KCNB2: variants seen among roughly 807,000 people sequenced by gnomAD.
The protein encoded by KCNB2 is potassium voltage-gated channel subfamily B member 2.
Under a neutral mutation model 61.5 loss-of-function variants are expected in KCNB2, and 15 were observed. The observed-to-expected ratio is 0.24, with a 90% confidence interval of 0.16 to 0.38. The LOEUF (loss-of-function observed/expected upper bound fraction) is 0.38. KCNB2 is among the 10% of genes least tolerant of loss of function. The probability of loss-of-function intolerance (pLI) is 1.00; values close to 1 mark genes in which losing one functional copy is unlikely to be tolerated. For missense variants in KCNB2, 828 were observed against 1,125.2 expected, an observed-to-expected ratio of 0.74 and a Z score of 3.78; for synonymous variants, 457 against 446.0, an observed-to-expected ratio of 1.02 and a Z score of -0.31.
At chr8:72,839,876 G>A (rs1181569059) in intron 2 of KCNB2, among the ~76,000 whole-genome samples, 2 of 151,270 alleles carry the variant, frequency 1.3e-5, no homozygotes, top group East Asian at 3.9e-4. Flanking sequence ...GCCTCCCAAA[G>A]TGCTGGGATT....
chr8:72,873,628 T>C (rs1478295340), intron 2 of KCNB2, among the ~76,000 whole-genome samples: 1 of 152,208 alleles, frequency 6.6e-6, no homozygotes, highest in Admixed American at 6.5e-5. Flanking sequence ...ACCCATACTA[T>C]AGTTGTTGAG....
At position 72,824,217 on chromosome 8, in the gene KCNB2, C is replaced by G. The variant is rs111633677; in HGVS notation, c.580-111718C>G. On this transcript the variant is annotated intron_variant, in intron 2 of 2. Coordinates refer to ENST00000523207, the MANE Select transcript of KCNB2 (RefSeq NM_004770.3). Reference sequence around the variant, plus strand: ...GGCTCACTTTAGGCCACCTTCATGCCACCCCCTTCCTGTATCCGTTCTGCA... The same window carrying G: ...GGCTCACTTTAGGCCACCTTCATGCGACCCCCTTCCTGTATCCGTTCTGCA... Among the ~76,000 whole-genome samples, 394 of 152,152 alleles carry G rather than the reference C, an allele frequency of 2.6e-3. 3 individuals carry two copies. Among genetic ancestry groups the G allele is most frequent in the African/African-American group, 6.6e-3 (276 of 41,538 alleles).
At chr8:72,767,420 T>C (rs1345495657) in intron 2 of KCNB2, among the ~76,000 whole-genome samples, 1 of 152,104 alleles carries the variant, frequency 6.6e-6, no homozygotes, top group Non-Finnish European at 1.5e-5. Context: ...CCTCATCCTC[T>C]CTCCCTCCCC....
intron 2 of KCNB2, among the ~76,000 whole-genome samples, chr8:72,631,362 T>TG (rs1263474288): frequency 6.6e-6 from 1 of 152,228 alleles, no homozygotes; most frequent in Non-Finnish European, 1.5e-5. Flanking sequence ...AATCTGTTTA[T>TG]GCCTCTCTCC....
At chr8:72,653,940 A>G (rs955639958) in intron 2 of KCNB2, among the ~76,000 whole-genome samples, 6 of 152,182 alleles carry the variant, frequency 3.9e-5, no homozygotes, top group African/African-American at 1.4e-4. Context: ...TCTGTTTCTA[A>G]TTTAGAGCAA....
chr8:72,769,891 T>C (rs1278675482), intron 2 of KCNB2, among the ~76,000 whole-genome samples: 1 of 152,176 alleles, frequency 6.6e-6, no homozygotes, highest in Non-Finnish European at 1.5e-5. Context: ...TATTTATGGT[T>C]TGGTGTCAGG....
At chr8:72,585,925 T>A (rs1294585082) in intron 2 of KCNB2, among the ~76,000 whole-genome samples, 1 of 152,250 alleles carries the variant, frequency 6.6e-6, no homozygotes, top group African/African-American at 2.4e-5. Context: ...GACAGTAGTT[T>A]GAAACATTTA....
chr8:72,813,155 T>C (rs1197154963), intron 2 of KCNB2, among the ~76,000 whole-genome samples: 1 of 152,086 alleles, frequency 6.6e-6, no homozygotes, highest in Non-Finnish European at 1.5e-5. Context: ...TGAAAGTATG[T>C]AGGAAGTGCT....
In KCNB2 at chr8:72,730,260, C is replaced by T. The variant is rs190348497; in HGVS notation, c.579+161947C>T. Among the ~76,000 whole-genome samples the T allele has an allele frequency of 5.5e-3, 833 of 152,294 alleles. 7 individuals are homozygous for T. The highest frequency in any genetic ancestry group is 7.7e-3 in the Non-Finnish European group (526 of 68,024). On this transcript the variant is annotated intron_variant, in intron 2 of 2. Transcript: ENST00000523207. ...TTATAGTTTTGCTTTCGATGCATCT[C>T]CCCTTGCGACTTTTCTTTTCTGTAA...
At chr8:72,795,448 G>A (rs748028275) in intron 2 of KCNB2, among the ~76,000 whole-genome samples, 1 of 152,180 alleles carries the variant, frequency 6.6e-6, no homozygotes, top group Non-Finnish European at 1.5e-5. Context: ...ACTGAAAGTT[G>A]TATAATGTGA....
intron 2 of KCNB2, among the ~76,000 whole-genome samples, chr8:72,859,402 A>G (rs1585936992): frequency 1.3e-5 from 2 of 152,312 alleles, no homozygotes; most frequent in Admixed American, 1.3e-4. Flanking sequence ...ATTTAAAAGT[A>G]CAAGTCAATG....
intron 1 of KCNB2, among the ~76,000 whole-genome samples, chr8:72,560,811 G>GT (rs976423551): frequency 5.3e-5 from 8 of 151,626 alleles, no homozygotes; most frequent in East Asian, 3.9e-4. Flanking sequence ...ATAAAGAAAG[G>GT]TTTTTTTTCT....
intron 2 of KCNB2, among the ~76,000 whole-genome samples, chr8:72,688,114 G>A (rs1432105909): frequency 6.6e-6 from 1 of 152,168 alleles, no homozygotes; most frequent in South Asian, 2.1e-4. Context: ...TGTATTTGCA[G>A]CTCCTACATA....
chr8:72,648,416 C>A (rs920976711), intron 2 of KCNB2, among the ~76,000 whole-genome samples: 11 of 152,088 alleles, frequency 7.2e-5, no homozygotes, highest in South Asian at 4.1e-4. Flanking sequence ...AAACCACAGG[C>A]ATTCACCACC....
At chr8:72,631,367 C>A (rs1215357379) in intron 2 of KCNB2, among the ~76,000 whole-genome samples, 1 of 152,168 alleles carries the variant, frequency 6.6e-6, no homozygotes, top group Non-Finnish European at 1.5e-5. Context: ...GTTTATGCCT[C>A]TCTCCTAGCG....
chr8:72,689,444 AT>A (rs1806906749), intron 2 of KCNB2, among the ~76,000 whole-genome samples: 1 of 152,236 alleles, frequency 6.6e-6, no homozygotes, highest in Non-Finnish European at 1.5e-5. Flanking sequence ...ATAAATGTAT[AT>A]ATAACAATTT....
Position 72,547,541 on chromosome 8 carries a change from A to G in KCNB2, c.-94+9656A>G, listed in dbSNP as rs79190465. On this transcript the variant is annotated intron_variant, in intron 1 of 2. Transcript: ENST00000523207. ...TTGGCAGAAGTTGATTCTAACCTCC[A>G]TGGATGACTTTGAGGGATTTAAAAC... Among the ~76,000 whole-genome samples the G allele has an allele frequency of 7.7e-4, 117 of 152,326 alleles. 1 individual carries two copies. The East Asian group carries it at 0.019, about 25-fold the overall frequency.
intron 2 of KCNB2, among the ~76,000 whole-genome samples, chr8:72,682,088 C>T (rs1806766561): frequency 6.6e-6 from 1 of 152,116 alleles, no homozygotes; most frequent in Admixed American, 6.5e-5. Flanking sequence ...GTTTAGTGTT[C>T]CTGAGATAGC....
At chr8:72,638,363 G>A (rs951005366) in intron 2 of KCNB2, among the ~76,000 whole-genome samples, 5 of 152,086 alleles carry the variant, frequency 3.3e-5, no homozygotes, top group African/African-American at 1.2e-4. Flanking sequence ...ATGAAGTGAA[G>A]CCTTTTCACT....
Sources: gnomAD v4.1 joint callset for allele counts (sites outside exome capture counted in the v4.1 genomes callset) on GRCh38, gnomAD v4.1.1 for gene constraint, MANE v1.5 for transcripts, NCBI Gene and HGNC (gene_info 2026-07-23, HGNC 2026-07-21) for gene names.